The following COL19A1 variants were observed in gnomAD, a reference collection of about 807,000 sequenced individuals.
The protein encoded by COL19A1 is collagen type XIX alpha 1 chain, also known as collagen alpha-1(XIX) chain.
In COL19A1, 159 loss-of-function variants were observed where a neutral mutation model predicts 190.2. That is an observed-to-expected ratio of 0.84 (90% CI 0.73 to 0.95). The LOEUF (loss-of-function observed/expected upper bound fraction) is 0.95, where lower values mean the gene tolerates loss of function less well. Among genes scored for constraint, COL19A1 ranks in the 40% least tolerant of loss-of-function variants. COL19A1 has a pLI of 0.00. For synonymous variants in COL19A1, 509 were observed against 458.9 expected (o/e 1.11, Z -1.39); for missense variants, 1,418 against 1,431.9 (o/e 0.99, Z 0.16).
chr6:69,981,088 T>C (rs750382868), intron 11 of COL19A1, among the ~76,000 whole-genome samples: 1 of 152,210 alleles, frequency 6.6e-6, no homozygotes, highest in Non-Finnish European at 1.5e-5. Flanking sequence ...ACAAATTCTG[T>C]TAAATTCAAA....
intron 39 of COL19A1, 27 bp downstream of exon 39, chr6:70,168,242 A>T: frequency 1.9e-6 from 3 of 1,607,232 alleles, no homozygotes; most frequent in East Asian, 4.5e-5. Flanking sequence ...ATCATCAAAC[A>T]CACTTTAGCT....
At position 70,068,368 on chromosome 6, in the gene COL19A1, G is replaced by A. The variant is rs540509782; in HGVS notation, c.1171-55G>A. ...ATTATTAATTTTCACAACATTCTTT[G>A]TGAGGCAGGTGTACTTGAAACAGTG... On this transcript the variant is annotated intron_variant, in intron 14 of 50. Transcript: ENST00000620364. 1.1e-4 allele frequency: 113 copies of A among 1,062,858 alleles called. No homozygotes were observed. In the South Asian group the frequency reaches 1.3e-3, roughly 13 times the overall value. 65.8% of individuals were successfully genotyped at this position (1,062,858 alleles called of 1,614,324 possible). A position where few individuals can be genotyped will look rare whatever the true frequency, so the allele number is the denominator to read the frequency against.
chr6:69,957,294 C>G (rs1239134362), intron 9 of COL19A1, among the ~76,000 whole-genome samples: 2 of 151,962 alleles, frequency 1.3e-5, no homozygotes, highest in Admixed American at 1.3e-4. Flanking sequence ...CAGAAAGCAA[C>G]CAGCTGACCC....
chr6:69,959,510 G>A (rs1053089836), intron 9 of COL19A1, among the ~76,000 whole-genome samples: 7 of 152,116 alleles, frequency 4.6e-5, no homozygotes, highest in Admixed American at 2.0e-4. Flanking sequence ...TGAAGTGTTT[G>A]GGCTCAAATT....
At chr6:70,159,073 C>A (rs1787615270) in intron 34 of COL19A1, among the ~76,000 whole-genome samples, 1 of 151,026 alleles carries the variant, frequency 6.6e-6, no homozygotes, top group Admixed American at 6.6e-5. Flanking sequence ...TAATGAATCC[C>A]AAGCTTATAA....
chr6:70,022,993 C>A (rs76147817), intron 11 of COL19A1, among the ~76,000 whole-genome samples: 15,111 of 152,078 alleles, frequency 0.099, 809 homozygotes, highest in East Asian at 0.2. Flanking sequence ...GAAGTGAAAT[C>A]ACTGGCCCAA....
In COL19A1 at chr6:70,149,980, C is replaced by G; in HGVS notation, c.1984-12C>G. 1 of 1,613,752 alleles carries G rather than the reference C, an allele frequency of 6.2e-7. No homozygotes were observed. The highest frequency in any genetic ancestry group is 1.1e-5 in the South Asian group (1 of 91,074). On this transcript the variant is annotated splice_polypyrimidine_tract_variant and intron_variant, in intron 29 of 50. Coordinates refer to ENST00000620364, the MANE Select transcript of COL19A1 (RefSeq NM_001858.6). ...ACGTGCAAAGATTGAACATGGATAC[C>G]TCTGTTTTCAGGGAGTTCCAGGGAG... is the stretch of plus-strand genomic sequence containing the variant.
At chr6:70,039,355 C>T (rs1262130900) in intron 14 of COL19A1, among the ~76,000 whole-genome samples, 1 of 152,208 alleles carries the variant, frequency 6.6e-6, no homozygotes, top group Non-Finnish European at 1.5e-5. Context: ...AAACACCCAA[C>T]CTGATTACTT....
chr6:70,045,299 C>T (rs1389000440), intron 14 of COL19A1, among the ~76,000 whole-genome samples: 10 of 125,582 alleles, frequency 8.0e-5, no homozygotes, highest in Admixed American at 4.8e-4. Flanking sequence ...GCAACAAGAG[C>T]GAGACTCTGT....
chr6:70,007,676 C>T (rs1777716049), intron 11 of COL19A1, among the ~76,000 whole-genome samples: 1 of 151,830 alleles, frequency 6.6e-6, no homozygotes, highest in South Asian at 2.1e-4. Context: ...TTCAATACTC[C>T]TCTCTCAATA....
Position 70,055,337 on chromosome 6 carries a change from A to C in COL19A1, c.1171-13086A>C, listed in dbSNP as rs1251660458. Among the ~76,000 whole-genome samples the C allele has an allele frequency of 2.0e-5, 3 of 152,182 alleles. No homozygotes were observed. The East Asian group carries it at 5.8e-4, about 29-fold the overall frequency. On this transcript the variant is annotated intron_variant, in intron 14 of 50. Coordinates refer to ENST00000620364, the MANE Select transcript of COL19A1 (RefSeq NM_001858.6). ...TCTGTCAAAGTTTCACTCTAGGCTC[A>C]TTCATTTATAAAATTACACATGTAC...
At chr6:70,168,272 C>T (rs1427332470) in intron 39 of COL19A1, 57 bp downstream of exon 39, 14 of 1,560,890 alleles carry the variant, frequency 9.0e-6, no homozygotes, top group Non-Finnish European at 1.2e-5. Context: ...CAATGAAAAA[C>T]AAACAATAAA....
intron 4 of COL19A1, among the ~76,000 whole-genome samples, chr6:69,912,621 T>C (rs1771022032): frequency 6.6e-6 from 1 of 152,230 alleles, no homozygotes; most frequent in Non-Finnish European, 1.5e-5. Context: ...CTGTGGCTTA[T>C]GACTGTGTGA....
chr6:70,003,662 T>C (rs1219703554), intron 11 of COL19A1, among the ~76,000 whole-genome samples: 1 of 152,150 alleles, frequency 6.6e-6, no homozygotes, highest in East Asian at 1.9e-4. Context: ...TCGTAGTTGG[T>C]TTAAAGTCTG....
chr6:70,207,273 G>A lies in COL19A1; in HGVS notation c.3428G>A (p.Ter1143=). Residue 1143 remains the stop codon, a stop_retained_variant, in exon 51 of 51, where the codon TGA becomes TAA. Transcript: ENST00000620364. The part of the protein sequence containing the change: ...SHAHQRTGGN[*] ...GCCCATCAGCGCACAGGTGGGAATT[G>A]AACACACCTGAAGAAGACTTGGTTC... 2 of 1,583,018 alleles carry A rather than the reference G, an allele frequency of 1.3e-6. No individual in the cohort carries two copies. The highest frequency in any genetic ancestry group is 1.7e-6 in the Non-Finnish European group (2 of 1,160,460).
intron 34 of COL19A1, 93 bp downstream of exon 34, chr6:70,156,816 T>C: frequency 5.6e-6 from 5 of 896,344 alleles, no homozygotes; most frequent in Non-Finnish European, 8.5e-6. Context: ...ATAGCTCAGA[T>C]CTGATGCTAT....
At chr6:69,882,057 G>A (rs181551986) in intron 2 of COL19A1, among the ~76,000 whole-genome samples, 1 of 152,294 alleles carries the variant, frequency 6.6e-6, no homozygotes, top group African/African-American at 2.4e-5. Flanking sequence ...AAATCTGAGA[G>A]AGAGTCTAGG....
At chr6:70,189,114 C>G (rs189388420) in intron 47 of COL19A1, among the ~76,000 whole-genome samples, 2 of 152,280 alleles carry the variant, frequency 1.3e-5, no homozygotes, top group Non-Finnish European at 2.9e-5. Context: ...GGAATCATCA[C>G]TTTATAAGCC....
chr6:69,924,925 A>G (rs1772255479), intron 4 of COL19A1, among the ~76,000 whole-genome samples: 1 of 151,946 alleles, frequency 6.6e-6, no homozygotes, highest in Non-Finnish European at 1.5e-5. Flanking sequence ...CCACTTTTTG[A>G]TGGGGTTGTT....
Sources: gnomAD v4.1 joint callset for allele counts (sites outside exome capture counted in the v4.1 genomes callset) on GRCh38, gnomAD v4.1.1 for gene constraint, MANE v1.5 for transcripts, NCBI Gene and HGNC (gene_info 2026-07-23, HGNC 2026-07-21) for gene names.